The following PDZRN3 variants were observed in gnomAD, a reference collection of about 807,000 sequenced individuals.
The protein encoded by PDZRN3 is E3 ubiquitin-protein ligase PDZRN3.
In PDZRN3, 38 loss-of-function variants were observed where a neutral mutation model predicts 85.7. The ratio of observed to expected loss-of-function variants is 0.44; its 90% CI spans 0.34 to 0.58. The LOEUF (loss-of-function observed/expected upper bound fraction) is 0.58, where lower values mean the gene tolerates loss of function less well. PDZRN3 is among the 20% of genes least tolerant of loss of function. The pLI is 0.01. For missense variants in PDZRN3, 1,629 were observed against 1,506.4 expected, an observed-to-expected ratio of 1.08 and a Z score of -1.35; for synonymous variants, 759 against 638.0, an observed-to-expected ratio of 1.19 and a Z score of -2.86.
chr3:73,451,200 C>T (rs1702854005), intron 3 of PDZRN3, among the ~76,000 whole-genome samples: 1 of 152,160 alleles, frequency 6.6e-6, no homozygotes, highest in Non-Finnish European at 1.5e-5. Context: ...GACACCGAAA[C>T]TGGCTCACAT....
chr3:73,564,493 C>A (rs757206106), intron 3 of PDZRN3, among the ~76,000 whole-genome samples: 2 of 152,144 alleles, frequency 1.3e-5, no homozygotes, highest in African/African-American at 2.4e-5. Context: ...AGCTCAACTC[C>A]GTTCCTTGAG....
chr3:73,624,572 G>C lies in PDZRN3; in HGVS notation c.254C>G (p.Ala85Gly), dbSNP rs753108822. ...GACCACCCGGCCGCAGCCGCGCGTC[G>C]CGTACGCGCACTTGATGTCCAGCTT... ...ILKLDIKCAYATRGCGRVVKL... is the reference protein window; with the variant it reads ...ILKLDIKCAYGTRGCGRVVKL... Residue 85 changes from alanine to glycine, a missense_variant, in exon 1 of 10, where the codon GCG (alanine) becomes GGG (glycine). Physicochemically the swap from Ala to Gly is moderately conservative, Grantham distance 60. Coordinates refer to ENST00000263666, the MANE Select transcript of PDZRN3 (RefSeq NM_015009.3). 1 of 1,539,426 alleles carries C rather than the reference G, an allele frequency of 6.5e-7. No individual in the cohort carries two copies. Among genetic ancestry groups the C allele is most frequent in the Non-Finnish European group, 8.7e-7 (1 of 1,147,964 alleles).
At chr3:73,516,804 G>A (rs1204079828) in intron 3 of PDZRN3, among the ~76,000 whole-genome samples, 1 of 80,208 alleles carries the variant, frequency 1.2e-5, no homozygotes, top group Non-Finnish European at 3.5e-5. Context: ...TACAGGACAC[G>A]GAGTCCTGGA....
At chr3:73,534,998 A>G (rs1380528973) in intron 3 of PDZRN3, among the ~76,000 whole-genome samples, 1 of 151,126 alleles carries the variant, frequency 6.6e-6, no homozygotes, top group East Asian at 2.0e-4. Flanking sequence ...GTCAGACTTC[A>G]TCCTGTCACT....
At chr3:73,414,037 A>G (rs773639718) in intron 3 of PDZRN3, among the ~76,000 whole-genome samples, 3 of 152,156 alleles carry the variant, frequency 2.0e-5, no homozygotes. Context: ...TTTGCCCTAC[A>G]AATGTCCTAT....
At chr3:73,483,814 C>G (rs1056695176) in intron 3 of PDZRN3, among the ~76,000 whole-genome samples, 1 of 152,154 alleles carries the variant, frequency 6.6e-6, no homozygotes, top group Non-Finnish European at 1.5e-5. Flanking sequence ...TTGGGTTGGG[C>G]AGAGCCGGCT....
chr3:73,577,366 G>A (rs1702140766), intron 3 of PDZRN3, among the ~76,000 whole-genome samples: 1 of 152,200 alleles, frequency 6.6e-6, no homozygotes, highest in East Asian at 1.9e-4. Context: ...GCAGATGTTT[G>A]TGATGACAAG....
At chr3:73,405,995 T>C (rs1302296684) in intron 3 of PDZRN3, among the ~76,000 whole-genome samples, 1 of 152,226 alleles carries the variant, frequency 6.6e-6, no homozygotes, top group African/African-American at 2.4e-5. Flanking sequence ...GTTGAATTCT[T>C]TCCTTGTAAT....
chr3:73,581,140 C>G (rs1702196589), intron 3 of PDZRN3, among the ~76,000 whole-genome samples: 1 of 152,182 alleles, frequency 6.6e-6, no homozygotes, highest in Admixed American at 6.5e-5. Context: ...AAGCAACATT[C>G]CTTTTGGAGT....
intron 3 of PDZRN3, among the ~76,000 whole-genome samples, chr3:73,407,682 G>C (rs1451265757): frequency 2.0e-5 from 3 of 152,046 alleles, no homozygotes; most frequent in Non-Finnish European, 4.4e-5. Flanking sequence ...GCTTTACTTG[G>C]ATACATTTTT....
intron 3 of PDZRN3, among the ~76,000 whole-genome samples, chr3:73,553,511 G>A (rs775535243): frequency 1.3e-4 from 19 of 151,998 alleles, no homozygotes; most frequent in Non-Finnish European, 2.4e-4. Flanking sequence ...GGGAGGCAGA[G>A]GTTGCAGTGA....
At chr3:73,551,923 T>C (rs1184013793) in intron 3 of PDZRN3, among the ~76,000 whole-genome samples, 2 of 152,040 alleles carry the variant, frequency 1.3e-5, no homozygotes, top group African/African-American at 4.8e-5. Flanking sequence ...AAGCCTGAGG[T>C]CTGGAGAAGG....
In PDZRN3 at chr3:73,405,821, T is replaced by A. The variant is rs1254125353; in HGVS notation, c.919-1426A>T. Among the ~76,000 whole-genome samples the A allele has an allele frequency of 2.0e-5, 3 of 152,228 alleles. No homozygotes were observed. The East Asian group carries it at 5.8e-4, about 29-fold the overall frequency. ...CAAAGCATGCTGACAATTAGGTCTATCCTCAGAGCACTTCAGTTTCCCTAT... is the reference window on the plus strand; with the variant it reads ...CAAAGCATGCTGACAATTAGGTCTAACCTCAGAGCACTTCAGTTTCCCTAT... On this transcript the variant is annotated intron_variant, in intron 3 of 9. Transcript: ENST00000263666.
At chr3:73,608,487 A>G in intron 2 of PDZRN3, 111 bp downstream of exon 2, 1 of 724,938 alleles carries the variant, frequency 1.4e-6, no homozygotes, top group Non-Finnish European at 2.5e-6. Context: ...AATGACAGAG[A>G]GCAGAATGAA....
intron 3 of PDZRN3, chr3:73,474,679 G>A (rs539606019): frequency 4.8e-6 from 5 of 1,040,802 alleles, no homozygotes; most frequent in Non-Finnish European, 6.0e-6. Flanking sequence ...GAATAGGGAG[G>A]CACTGAACAA....
At chr3:73,453,099 C>A (rs1333383062) in intron 3 of PDZRN3, among the ~76,000 whole-genome samples, 2 of 152,070 alleles carry the variant, frequency 1.3e-5, no homozygotes, top group Non-Finnish European at 2.9e-5. Context: ...CCCTTTCCAG[C>A]AGTCAGGCTA....
At chr3:73,520,142 G>T (rs1434261162) in intron 3 of PDZRN3, among the ~76,000 whole-genome samples, 1 of 152,114 alleles carries the variant, frequency 6.6e-6, no homozygotes, top group Non-Finnish European at 1.5e-5. Context: ...AGAAGAAAGA[G>T]GTAACAGAGA....
In PDZRN3 at chr3:73,612,864, C is replaced by T. The variant is rs183858924; in HGVS notation, c.724-4180G>A. Among the ~76,000 whole-genome samples the T allele has an allele frequency of 3.3e-5, 5 of 152,300 alleles. No homozygotes were observed. In the East Asian group the frequency reaches 9.7e-4, roughly 29 times the overall value. ...TACTAGGATGCATGACTGAGATAGA[C>T]AGATACCCAAAGACTGCCTCAGTAT... is the stretch of plus-strand genomic sequence containing the variant. On this transcript the variant is annotated intron_variant, in intron 1 of 9. Coordinates refer to ENST00000263666, the MANE Select transcript of PDZRN3 (RefSeq NM_015009.3).
chr3:73,460,274 C>T (rs1433304869), intron 3 of PDZRN3, among the ~76,000 whole-genome samples: 3 of 152,220 alleles, frequency 2.0e-5, no homozygotes, highest in East Asian at 3.9e-4. Flanking sequence ...GGTGAGAGTG[C>T]GATGACAGGG....
Sources: allele counts gnomAD v4.1 joint callset (sites outside exome capture counted in the v4.1 genomes callset), GRCh38; gene constraint gnomAD v4.1.1; transcripts MANE v1.5; gene names NCBI Gene and HGNC (gene_info 2026-07-23, HGNC 2026-07-21).